The following COP1 variants were observed in gnomAD, a reference collection of about 807,000 sequenced individuals.
The protein encoded by COP1 is COP1 E3 ubiquitin ligase, also known as E3 ubiquitin-protein ligase COP1.
COP1 carries 24 observed loss-of-function variants against 101.3 expected under a neutral mutation model. The observed-to-expected ratio is 0.24, with a 90% CI of 0.17 to 0.33. The LOEUF (loss-of-function observed/expected upper bound fraction) is 0.33. Ranked by LOEUF, COP1 falls within the 10% of genes least tolerant of loss-of-function variation. The pLI is 1.00. For missense variants in COP1, 663 were observed against 906.2 expected (o/e 0.73, Z 3.45); for synonymous variants, 347 against 341.9 (o/e 1.01, Z -0.17).
chr1:176,162,950 T>A lies in COP1; in HGVS notation c.681A>T (p.Gly227=). 2 of 1,608,512 alleles carry A rather than the reference T, an allele frequency of 1.2e-6. No homozygotes were observed. Among genetic ancestry groups the A allele is most frequent in the Non-Finnish European group, 1.7e-6 (2 of 1,177,410 alleles). ...CCAAATCAAGGTTATCTTGGTCAGT[T>A]CCCAACCAATCTTGAAATATCTGCC... ...HRWQIFQDWL[G]TDQDNLDLAN... The change falls in exon 5 of 20, where the codon GGA becomes GGT. Residue 227 remains glycine, a synonymous_variant. Coordinates refer to ENST00000367669, the MANE Select transcript of COP1 (RefSeq NM_022457.7).
chr1:176,121,218 A>T (rs923656442), intron 8 of COP1, among the ~76,000 whole-genome samples: 1 of 151,846 alleles, frequency 6.6e-6, no homozygotes, highest in African/African-American at 2.4e-5. Context: ...AAAATACTAA[A>T]TTTTTAATAA....
chr1:176,193,704 A>G (rs901860879), intron 1 of COP1, among the ~76,000 whole-genome samples: 6 of 152,200 alleles, frequency 3.9e-5, no homozygotes, highest in African/African-American at 1.4e-4. Context: ...ATGGGATACA[A>G]AAGACCATAT....
chr1:176,203,165 G>A (rs1214357646), intron 1 of COP1, among the ~76,000 whole-genome samples: 1 of 151,706 alleles, frequency 6.6e-6, no homozygotes, highest in Non-Finnish European at 1.5e-5. Flanking sequence ...GTGAAACCCC[G>A]CCTCTACTAA....
Position 176,206,788 on chromosome 1 carries a change from G to C in COP1, c.191C>G (p.Pro64Arg). ...GGGCGCCACCAACACAGGCCGCACC[G>C]GGCCCCCGAGGCCGCCCGAGCCGGC... The part of the protein sequence containing the change: ...QAAGSGGLGG[P>R]VRPVLVAPAV... Residue 64 changes from proline (P) to arginine (R), a missense_variant, in exon 1 of 20, where the codon CCG becomes CGG. Physicochemically the swap from Pro to Arg is moderately radical, Grantham distance 103. Around this residue, in one of 4 missense-constraint regions of COP1, gnomAD observed 204 missense variants for 203.6 expected, o/e 1.00. Coordinates refer to ENST00000367669, the MANE Select transcript of COP1 (RefSeq NM_022457.7). 1 of 1,399,314 alleles carries C rather than the reference G, an allele frequency of 7.1e-7. No individual in the cohort carries two copies. Among genetic ancestry groups the C allele is most frequent in the Non-Finnish European group, 9.2e-7 (1 of 1,087,358 alleles). The allele number at this position is 1,399,314 out of a possible 1,614,324, so 86.7% of individuals were successfully genotyped here.
At chr1:176,117,006 A>C (rs1686304488) in intron 8 of COP1, among the ~76,000 whole-genome samples, 1 of 152,184 alleles carries the variant, frequency 6.6e-6, no homozygotes, top group South Asian at 2.1e-4. Flanking sequence ...AACTTTAAGG[A>C]AAAGAAAATT....
intron 9 of COP1, among the ~76,000 whole-genome samples, chr1:176,092,069 T>C: frequency 6.6e-6 from 1 of 152,140 alleles, no homozygotes; most frequent in East Asian, 1.9e-4. Context: ...AGCCTTAACA[T>C]TTTTCAGGCA....
chr1:176,032,275 T>C (rs1356101767), intron 14 of COP1, among the ~76,000 whole-genome samples: 1 of 152,178 alleles, frequency 6.6e-6, no homozygotes, highest in East Asian at 1.9e-4. Context: ...GGGCAATGTG[T>C]ATTGTTTTAT....
At chr1:175,996,238 G>T (rs1029518157) in intron 15 of COP1, among the ~76,000 whole-genome samples, 1 of 152,084 alleles carries the variant, frequency 6.6e-6, no homozygotes, top group Non-Finnish European at 1.5e-5. Flanking sequence ...GGTTTTGATG[G>T]GATATATCTC....
At position 176,085,656 on chromosome 1, in the gene COP1, C is replaced by G. The variant is rs139432280; in HGVS notation, c.1141+120G>C. ...AGAACCTCCATGATGATCTGGTAGACTATGTCAAAAATACATACTTTTGCT... is the reference window on the plus strand; with the variant it reads ...AGAACCTCCATGATGATCTGGTAGAGTATGTCAAAAATACATACTTTTGCT... On this transcript the variant is annotated intron_variant, in intron 10 of 19. Coordinates refer to ENST00000367669, the MANE Select transcript of COP1 (RefSeq NM_022457.7). The G allele has an allele frequency of 1.6e-5, 8 of 496,556 alleles. No individual in the cohort carries two copies. The East Asian group carries it at 2.0e-4, about 12-fold the overall frequency. The allele number at this position is 496,556 out of a possible 1,614,324, so 30.8% of individuals were successfully genotyped here.
intron 15 of COP1, among the ~76,000 whole-genome samples, chr1:176,023,718 CAAAAAAAAAA>C (rs759455090): frequency 1.6e-5 from 2 of 122,094 alleles, no homozygotes; most frequent in African/African-American, 7.2e-5. Flanking sequence ...AACTCCATCT[CAAAAAAAAAA>C]AAAAAAAAAA....
At chr1:176,110,653 C>CA (rs1464920808) in intron 9 of COP1, among the ~76,000 whole-genome samples, 1 of 151,792 alleles carries the variant, frequency 6.6e-6, no homozygotes, top group Non-Finnish European at 1.5e-5. Context: ...AAACAAAAAA[C>CA]AAAAAAACAA....
intron 6 of COP1, among the ~76,000 whole-genome samples, chr1:176,137,305 C>CA (rs1689962127): frequency 6.6e-6 from 1 of 152,096 alleles, no homozygotes; most frequent in African/African-American, 2.4e-5. Flanking sequence ...AAGTTGCCTG[C>CA]AAACTATCAT....
chr1:176,204,690 G>A (rs771408223), intron 1 of COP1, among the ~76,000 whole-genome samples: 1 of 152,178 alleles, frequency 6.6e-6, no homozygotes, highest in South Asian at 2.1e-4. Context: ...TTGGGAGGCC[G>A]AGGCGAGCAG....
intron 7 of COP1, among the ~76,000 whole-genome samples, chr1:176,135,814 A>G (rs1253283281): frequency 6.6e-6 from 1 of 152,124 alleles, no homozygotes; most frequent in African/African-American, 2.4e-5. Context: ...CAGCTCAATC[A>G]TACAGTCAGG....
chr1:176,008,457 A>G (rs1435275749), intron 15 of COP1, among the ~76,000 whole-genome samples: 1 of 152,102 alleles, frequency 6.6e-6, no homozygotes, highest in African/African-American at 2.4e-5. Context: ...CAACAGAATT[A>G]TTTGTTTTTA....
At chr1:176,104,822 A>G (rs1384553456) in intron 9 of COP1, among the ~76,000 whole-genome samples, 2 of 152,182 alleles carry the variant, frequency 1.3e-5, no homozygotes, top group African/African-American at 2.4e-5. Context: ...CAATAATATG[A>G]AAATACATAG....
intron 8 of COP1, chr1:176,133,881 T>C (rs1052180453): frequency 2.2e-6 from 1 of 454,660 alleles, no homozygotes; most frequent in Non-Finnish European, 4.4e-6. Context: ...ATCCTGTGCA[T>C]ATCAGAACTG....
At chr1:176,048,128 C>G (rs560575754) in intron 11 of COP1, among the ~76,000 whole-genome samples, 1 of 151,790 alleles carries the variant, frequency 6.6e-6, no homozygotes, top group African/African-American at 2.4e-5. Context: ...CACATTGATA[C>G]GCCCACTTTT....
intron 19 of COP1, 150 bp downstream of exon 19, chr1:175,947,045 C>A (rs1032156968): frequency 1.7e-5 from 11 of 659,072 alleles, no homozygotes; most frequent in Non-Finnish European, 2.5e-5. Flanking sequence ...GCTACCTATT[C>A]TTTTCCCTTA....
Sources: gnomAD v4.1 joint callset for allele counts (sites outside exome capture counted in the v4.1 genomes callset) on GRCh38, gnomAD v4.1.1 for gene constraint, gnomAD v4.1.1 regional missense constraint, MANE v1.5 for transcripts, NCBI Gene and HGNC (gene_info 2026-07-23, HGNC 2026-07-21) for gene names.